ATP2B1: variants seen among roughly 807,000 people sequenced by gnomAD.
The protein encoded by ATP2B1 is ATPase plasma membrane Ca2+ transporting 1.
ATP2B1 carries 14 observed loss-of-function variants against 124.2 expected under a neutral mutation model. The observed-to-expected ratio is 0.11, with a 90% CI of 0.07 to 0.18. The LOEUF is 0.18. Ranked by LOEUF, ATP2B1 falls within the 10% of genes least tolerant of loss-of-function variation. The pLI, the probability that ATP2B1 is intolerant of heterozygous loss-of-function variation, is 1.00. For synonymous variants in ATP2B1, 449 were observed against 492.4 expected, an observed-to-expected ratio of 0.91 and a Z score of 1.17; for missense variants, 763 against 1,466.1, an observed-to-expected ratio of 0.52 and a Z score of 7.83.
At chr12:89,592,450 T>C (rs915268739) in intron 20 of ATP2B1, among the ~76,000 whole-genome samples, 6 of 152,030 alleles carry the variant, frequency 3.9e-5, no homozygotes, top group African/African-American at 1.4e-4. Flanking sequence ...AATGAACATG[T>C]GAATGTGTTT....
At chr12:89,649,642 G>A (rs1211751161) in intron 2 of ATP2B1, among the ~76,000 whole-genome samples, 1 of 152,128 alleles carries the variant, frequency 6.6e-6, no homozygotes, top group African/African-American at 2.4e-5. Context: ...AAAACTTTGG[G>A]ACACTGTTGA....
rs140919310 is a variant in ATP2B1 at position 89,608,378 on chromosome 12, G to A, written c.2442+1559C>T. On this transcript the variant is annotated intron_variant, in intron 15 of 20. Transcript: ENST00000428670. ...TAAAGTAGAGATGGGGTTTTGCCAT[G>A]TTGGCCAGGCTGTTCTTGAACACCT... Among the ~76,000 whole-genome samples the A allele has an allele frequency of 2.3e-3, 347 of 152,046 alleles. 2 individuals are homozygous for A. Among genetic ancestry groups the A allele is most frequent in the African/African-American group, 8.0e-3 (332 of 41,458 alleles).
chr12:89,687,730 T>TTAAAA (rs1890124560), intron 1 of ATP2B1, among the ~76,000 whole-genome samples: 2 of 152,150 alleles, frequency 1.3e-5, no homozygotes, highest in Non-Finnish European at 2.9e-5. Flanking sequence ...CAACATGGGA[T>TTAAAA]TAAAATAAAT....
At chr12:89,698,164 A>G (rs537221817) in intron 1 of ATP2B1, among the ~76,000 whole-genome samples, 46 of 152,292 alleles carry the variant, frequency 3.0e-4, no homozygotes, top group African/African-American at 1.1e-3. Flanking sequence ...ACAAACACAA[A>G]TGCTTCCTAA....
At chr12:89,594,375 A>G (rs1463366981) in intron 20 of ATP2B1, 5 of 152,008 alleles carry the variant, frequency 3.3e-5, no homozygotes, top group Admixed American at 6.6e-5. Flanking sequence ...CTATATTAAT[A>G]ATAATTCAAT....
intron 1 of ATP2B1, among the ~76,000 whole-genome samples, chr12:89,676,649 A>T (rs1017426165): frequency 6.6e-6 from 1 of 152,080 alleles, no homozygotes; most frequent in South Asian, 2.1e-4. Flanking sequence ...CTTTAACAGG[A>T]TAATAAAGTA....
At chr12:89,660,735 T>C (rs1886603845) in intron 1 of ATP2B1, among the ~76,000 whole-genome samples, 1 of 152,128 alleles carries the variant, frequency 6.6e-6, no homozygotes, top group Non-Finnish European at 1.5e-5. Flanking sequence ...AAATGACAAA[T>C]ACATTTTAGC....
At position 89,656,043 on chromosome 12, in the gene ATP2B1, C is replaced by T. The variant is rs781126543; in HGVS notation, c.-157G>A. Reference sequence around the variant, plus strand: ...AAGCAGCATCAGCAGCAACATTTCCCAGAGAAGTATCTTGACCTTTGGCCC... The same window carrying T: ...AAGCAGCATCAGCAGCAACATTTCCTAGAGAAGTATCTTGACCTTTGGCCC... On this transcript the variant is annotated 5_prime_UTR_variant, in exon 2 of 21. Coordinates refer to ENST00000428670, the MANE Select transcript of ATP2B1 (RefSeq NM_001366521.1). 3 of 718,778 alleles carry T rather than the reference C, an allele frequency of 4.2e-6. No homozygotes were observed. Among genetic ancestry groups the T allele is most frequent in the Non-Finnish European group, 6.6e-6 (3 of 456,554 alleles). 44.5% of individuals were successfully genotyped at this position (718,778 alleles called of 1,614,324 possible).
chr12:89,612,856 A>G (rs918519400), intron 12 of ATP2B1, among the ~76,000 whole-genome samples: 4 of 152,200 alleles, frequency 2.6e-5, no homozygotes, highest in African/African-American at 4.8e-5. Context: ...CACCTAGTAT[A>G]CCTTTTGTTC....
In ATP2B1 at chr12:89,591,128, T is replaced by C. The variant is rs1218353534; in HGVS notation, c.3519A>G (p.Thr1173=). 1.9e-6 allele frequency: 3 copies of C among 1,613,292 alleles called. No homozygotes were observed. The highest frequency in any genetic ancestry group is 1.7e-5 in the Admixed American group (1 of 59,952). The stretch of plus-strand genomic sequence containing the variant: ...AGGGTGGAGGACTGGAGTTACGTTT[T>C]GTAGGAGCATCATCTTCGGCATCAG... ...DDTDAEDDAP[T]KRNSSPPPSP... The change falls in exon 21 of 21, where the codon ACA becomes ACG. Residue 1173 remains threonine (T), a synonymous_variant. Coordinates refer to ENST00000428670, the MANE Select transcript of ATP2B1 (RefSeq NM_001366521.1).
chr12:89,597,913 T>C (rs982607293), intron 20 of ATP2B1, among the ~76,000 whole-genome samples: 1 of 151,894 alleles, frequency 6.6e-6, no homozygotes. Context: ...ACATTTCTTA[T>C]CTATGATGCA....
chr12:89,624,483 A>C (rs1387842981), intron 8 of ATP2B1, 86 bp from the exon 9 acceptor site: 1 of 1,076,560 alleles, frequency 9.3e-7, no homozygotes, highest in East Asian at 2.6e-5. Context: ...CACTGTAAAG[A>C]GTTATAACTT....
chr12:89,624,040 T>C (rs1484075637), intron 9 of ATP2B1, 143 bp downstream of exon 9: 4 of 734,136 alleles, frequency 5.4e-6, no homozygotes, highest in African/African-American at 5.3e-5. Flanking sequence ...AGGGCATCAA[T>C]GACAACATTT....
At position 89,588,306 on chromosome 12, in the gene ATP2B1, T is replaced by C. The variant is rs1346132516; in HGVS notation, c.*2678A>G. On this transcript the variant is annotated 3_prime_UTR_variant, in exon 21 of 21. Coordinates refer to ENST00000428670, the MANE Select transcript of ATP2B1 (RefSeq NM_001366521.1). ...TCAAAACTGACATCTGTTATGAAAATTACCATATCACATATTTGTAAGATG... is the reference window on the plus strand; with the variant it reads ...TCAAAACTGACATCTGTTATGAAAACTACCATATCACATATTTGTAAGATG... 9 of 152,528 alleles carry C rather than the reference T, an allele frequency of 5.9e-5. No homozygotes were observed. The highest frequency in any genetic ancestry group is 7.4e-5 in the Non-Finnish European group (5 of 67,994). The allele number at this position is 152,528 out of a possible 1,614,324, so 9.4% of individuals were successfully genotyped here.
intron 1 of ATP2B1, among the ~76,000 whole-genome samples, chr12:89,681,158 G>C (rs1177419183): frequency 6.6e-6 from 1 of 152,002 alleles, no homozygotes; most frequent in Admixed American, 6.6e-5. Flanking sequence ...AAAAAGAAAA[G>C]AATGCATATG....
rs570457928 is a variant in ATP2B1, at chr12:89,604,169, C to A, written c.2620G>T (p.Ala874Ser). The A allele has an allele frequency of 6.2e-7, 1 of 1,613,452 alleles. No individual in the cohort carries two copies. Among genetic ancestry groups the A allele is most frequent in the South Asian group, 1.1e-5 (1 of 90,974 alleles). Residue 874 changes from alanine to serine, a missense_variant, in exon 16 of 21, where the codon GCC becomes TCC. Physicochemically the swap from Ala to Ser is moderately conservative, Grantham distance 99. Coordinates refer to ENST00000428670, the MANE Select transcript of ATP2B1 (RefSeq NM_001366521.1). ...VVAVIVAFTG[A>S]CITQDSPLKA... Reference sequence around the variant, plus strand: ...TCATCACCTACTTGAGTAATGCAGGCGCCCGTAAAAGCAACAATCACTGCT... The same window carrying A: ...TCATCACCTACTTGAGTAATGCAGGAGCCCGTAAAAGCAACAATCACTGCT...
At chr12:89,671,031 GA>G (rs1208600737) in intron 1 of ATP2B1, among the ~76,000 whole-genome samples, 1 of 151,352 alleles carries the variant, frequency 6.6e-6, no homozygotes, top group Non-Finnish European at 1.5e-5. Context: ...CATCTGAAAG[GA>G]ATTAAAATTT....
intron 1 of ATP2B1, among the ~76,000 whole-genome samples, chr12:89,676,443 C>T (rs373794415): frequency 1.3e-5 from 2 of 152,082 alleles, no homozygotes; most frequent in African/African-American, 2.4e-5. Context: ...CTCCCTCTCT[C>T]GCTACACATA....
intron 1 of ATP2B1, among the ~76,000 whole-genome samples, chr12:89,671,288 G>C (rs754487344): frequency 1.7e-4 from 26 of 152,054 alleles, no homozygotes; most frequent in Non-Finnish European, 3.1e-4. Context: ...GAAATGGGTT[G>C]GTCAAACATC....
Sources: allele counts gnomAD v4.1 joint callset (sites outside exome capture counted in the v4.1 genomes callset), GRCh38; gene constraint gnomAD v4.1.1; transcripts MANE v1.5; gene names NCBI Gene and HGNC (gene_info 2026-07-23, HGNC 2026-07-21).